BRD10: variants seen among roughly 807,000 people sequenced by gnomAD.
BRD10 encodes the protein uncharacterized bromodomain-containing protein 10.
chr9:5,930,177 TTTC>T, the BRD10 span, among the ~76,000 whole-genome samples: 1 of 88,990 alleles, frequency 1.1e-5, no homozygotes. Context: ...ATCCACATGT[TTTC>T]TTTCTAACAA....
At chr9:5,993,402 T>C in the BRD10 span, among the ~76,000 whole-genome samples, 4 of 151,738 alleles carry the variant, frequency 2.6e-5, no homozygotes, top group Non-Finnish European at 5.9e-5. Flanking sequence ...AATGCAACTT[T>C]AGCCCTAAGG....
the BRD10 span, among the ~76,000 whole-genome samples, chr9:5,949,780 T>C: frequency 1.3e-5 from 2 of 152,194 alleles, no homozygotes; most frequent in East Asian, 3.8e-4. Flanking sequence ...GTCATAATTA[T>C]GTACAAAAGA....
At chr9:5,913,738 T>G in the BRD10 span, 1 of 180,390 alleles carries the variant, frequency 5.5e-6, no homozygotes, top group Admixed American at 6.3e-5. Context: ...CAAAAAGCAA[T>G]TTGAAAAAAT....
the BRD10 span, among the ~76,000 whole-genome samples, chr9:5,951,951 C>A: frequency 1.3e-5 from 2 of 152,196 alleles, no homozygotes; most frequent in East Asian, 3.9e-4. Context: ...CTCTCTTCTT[C>A]CCTCTCTGTT....
At chr9:5,901,877 T>G in the BRD10 span, among the ~76,000 whole-genome samples, 1 of 152,226 alleles carries the variant, frequency 6.6e-6, no homozygotes, top group Non-Finnish European at 1.5e-5. Flanking sequence ...TATTTTGTCA[T>G]GGTATGTAAT....
At chr9:5,930,369 TTA>T in the BRD10 span, among the ~76,000 whole-genome samples, 5,632 of 135,398 alleles carry the variant, frequency 0.042, 209 homozygotes, top group African/African-American at 0.096. Context: ...TATAAGGAGA[TTA>T]TATATATATA....
the BRD10 span, chr9:6,008,339 A>G: frequency 4.1e-6 from 4 of 984,424 alleles, no homozygotes; most frequent in Non-Finnish European, 3.6e-6. Flanking sequence ...GACAACTGTC[A>G]GTTAGAAGCC....
the BRD10 span, among the ~76,000 whole-genome samples, chr9:5,965,632 T>C: frequency 2.0e-5 from 3 of 152,230 alleles, no homozygotes; most frequent in African/African-American, 4.8e-5. Context: ...ATATACACCA[T>C]AATGCCCTTC....
chr9:5,936,628 T>C, the BRD10 span, among the ~76,000 whole-genome samples: 2 of 152,210 alleles, frequency 1.3e-5, no homozygotes, highest in Admixed American at 1.3e-4. Context: ...CTACAGAGTC[T>C]AGTAAGATGC....
chr9:5,906,912 TG>T, the BRD10 span: 1 of 1,591,936 alleles, frequency 6.3e-7, no homozygotes, highest in Admixed American at 1.8e-5. Flanking sequence ...TGGCACTCAA[TG>T]TGCCTTAACA....
chr9:5,908,937 C>A, the BRD10 span: 1 of 519,112 alleles, frequency 1.9e-6, no homozygotes, highest in Admixed American at 3.5e-5. Context: ...TGTTGCAATG[C>A]ATGATACTAT....
chr9:5,900,233 C>T, the BRD10 span, among the ~76,000 whole-genome samples: 1 of 152,140 alleles, frequency 6.6e-6, no homozygotes, highest in Non-Finnish European at 1.5e-5. Context: ...ACACTGTGAA[C>T]ATTTTGCTTG....
chr9:5,995,696 C>A, the BRD10 span, among the ~76,000 whole-genome samples: 1 of 152,196 alleles, frequency 6.6e-6, no homozygotes, highest in South Asian at 2.1e-4. Context: ...TCTGGTCACC[C>A]TTTGTTAAGA....
chr9:5,908,233 G>A, the BRD10 span, among the ~76,000 whole-genome samples: 1 of 152,122 alleles, frequency 6.6e-6, no homozygotes. Context: ...ATTTGTTCTG[G>A]ATACAATATC....
the BRD10 span, among the ~76,000 whole-genome samples, chr9:5,913,503 T>C: frequency 6.6e-6 from 1 of 152,162 alleles, no homozygotes; most frequent in Non-Finnish European, 1.5e-5. Flanking sequence ...CTAAAAGCGC[T>C]ATCCCAAGAA....
At chr9:5,977,634 T>G in the BRD10 span, among the ~76,000 whole-genome samples, 1 of 151,904 alleles carries the variant, frequency 6.6e-6, no homozygotes, top group Non-Finnish European at 1.5e-5. Context: ...GATCACGAGG[T>G]CAGGAGATCG....
At chr9:5,897,648 T>C in the BRD10 span, 1 of 1,613,754 alleles carries the variant, frequency 6.2e-7, no homozygotes. Context: ...ATACAGAGCC[T>C]TGATGGTTGG....
the BRD10 span, among the ~76,000 whole-genome samples, chr9:5,962,188 A>C: frequency 5.0e-4 from 76 of 152,102 alleles, no homozygotes; most frequent in East Asian, 0.014. Flanking sequence ...AAACGAGAGA[A>C]GAATCAAATA....
At chr9:5,945,016 TGTG>T in the BRD10 span, 1 of 811,160 alleles carries the variant, frequency 1.2e-6, no homozygotes, top group Non-Finnish European at 1.9e-6. Context: ...ACACCCAAAA[TGTG>T]GTAACAGAAG....
Sources: gnomAD v4.1 joint callset for allele counts (sites outside exome capture counted in the v4.1 genomes callset) on GRCh38, gnomAD v4.1.1 for gene constraint, MANE v1.5 for transcripts, NCBI Gene and HGNC (gene_info 2026-07-23, HGNC 2026-07-21) for gene names.